ALDH1A2: variants seen among roughly 807,000 people sequenced by gnomAD.
The protein encoded by ALDH1A2 is retinal dehydrogenase 2.
ALDH1A2 carries 27 observed loss-of-function variants against 60.3 expected under a neutral mutation model. The observed-to-expected ratio is 0.45, with a 90% CI of 0.33 to 0.62. The LOEUF (loss-of-function observed/expected upper bound fraction) is 0.62, where lower values mean the gene tolerates loss of function less well. Among genes scored for constraint, ALDH1A2 ranks in the 20% least tolerant of loss-of-function variants. The pLI, the probability that ALDH1A2 is intolerant of heterozygous loss-of-function variation, is 0.02. For synonymous variants in ALDH1A2, 289 were observed against 232.4 expected (o/e 1.24, Z -2.21); for missense variants, 581 against 643.8 (o/e 0.90, Z 1.06).
chr15:58,045,996 G>C (rs35566492), intron 1 of ALDH1A2, among the ~76,000 whole-genome samples: 1 of 151,956 alleles, frequency 6.6e-6, no homozygotes, highest in Non-Finnish European at 1.5e-5. Context: ...AAGCGTCTTA[G>C]ATTCTGGGCA....
chr15:58,063,553 TA>T (rs4646553), intron 1 of ALDH1A2, among the ~76,000 whole-genome samples: 12 of 149,880 alleles, frequency 8.0e-5, no homozygotes, highest in South Asian at 2.1e-4. Context: ...TCTTCACGTT[TA>T]AAAAAAAAAT....
chr15:58,003,703 T>C (rs1595659241), intron 4 of ALDH1A2, among the ~76,000 whole-genome samples: 1 of 151,784 alleles, frequency 6.6e-6, no homozygotes, highest in African/African-American at 2.4e-5. Flanking sequence ...CACAAAGAGG[T>C]TGTAGACGTG....
chr15:57,956,691 T>C (rs1893537582), intron 12 of ALDH1A2, among the ~76,000 whole-genome samples: 1 of 152,246 alleles, frequency 6.6e-6, no homozygotes, highest in South Asian at 2.1e-4. Flanking sequence ...TATTACCAGC[T>C]CAGCTCTGGC....
At chr15:57,978,969 G>A (rs1175183708) in intron 7 of ALDH1A2, among the ~76,000 whole-genome samples, 1 of 152,162 alleles carries the variant, frequency 6.6e-6, no homozygotes, top group East Asian at 1.9e-4. Context: ...TCAGGAGGTG[G>A]AGGTGCAGTG....
intron 12 of ALDH1A2, among the ~76,000 whole-genome samples, chr15:57,959,588 T>C (rs7165247): frequency 0.37 from 55,981 of 151,988 alleles, 11,026 homozygotes; most frequent in Non-Finnish European, 0.46. Context: ...GCTTGCCAGA[T>C]ATTCTGTTGG....
intron 1 of ALDH1A2, among the ~76,000 whole-genome samples, chr15:58,022,428 G>C (rs1442895632): frequency 1.3e-5 from 2 of 152,142 alleles, no homozygotes; most frequent in African/African-American, 4.8e-5. Flanking sequence ...TCAGGATGCA[G>C]AGGATCATCC....
At chr15:58,041,416 G>A (rs1265834289) in intron 1 of ALDH1A2, among the ~76,000 whole-genome samples, 5 of 151,842 alleles carry the variant, frequency 3.3e-5, no homozygotes, top group South Asian at 2.1e-4. Context: ...TCTCTCCCTC[G>A]CTTAGTTCAT....
intron 1 of ALDH1A2, among the ~76,000 whole-genome samples, chr15:58,052,182 G>T (rs1208215472): frequency 2.6e-5 from 4 of 152,096 alleles, no homozygotes; most frequent in African/African-American, 9.7e-5. Flanking sequence ...GTAACCATGA[G>T]TACATTGTTG....
chr15:58,027,815 T>C (rs1012535367), intron 1 of ALDH1A2, among the ~76,000 whole-genome samples: 1 of 151,938 alleles, frequency 6.6e-6, no homozygotes, highest in African/African-American at 2.4e-5. Context: ...GAAGATCAAA[T>C]TAATGAAATA....
At chr15:57,985,494 A>C (rs1465808974) in intron 7 of ALDH1A2, among the ~76,000 whole-genome samples, 1 of 152,196 alleles carries the variant, frequency 6.6e-6, no homozygotes, top group Non-Finnish European at 1.5e-5. Context: ...TGCTATTATT[A>C]AACCAATTTT....
intron 1 of ALDH1A2, among the ~76,000 whole-genome samples, chr15:58,046,777 C>G (rs1896649093): frequency 6.6e-6 from 1 of 151,988 alleles, no homozygotes; most frequent in Non-Finnish European, 1.5e-5. Context: ...CATTTGGTTT[C>G]CCCCACATCT....
At chr15:58,049,244 G>A (rs1009612114) in intron 1 of ALDH1A2, among the ~76,000 whole-genome samples, 5 of 151,978 alleles carry the variant, frequency 3.3e-5, no homozygotes, top group Non-Finnish European at 7.4e-5. Context: ...AGATCCAGTT[G>A]TGCCTCTATT....
intron 4 of ALDH1A2, among the ~76,000 whole-genome samples, chr15:58,005,145 C>A (rs1895407532): frequency 6.6e-6 from 1 of 151,784 alleles, no homozygotes; most frequent in Non-Finnish European, 1.5e-5. Context: ...ACTCTCCTCC[C>A]TCATACTTTG....
chr15:58,008,201 C>T (rs531043534), intron 4 of ALDH1A2, among the ~76,000 whole-genome samples: 5 of 152,158 alleles, frequency 3.3e-5, no homozygotes, highest in African/African-American at 1.2e-4. Context: ...AGGGAGGGTA[C>T]CTCATCCTAG....
chr15:58,009,172 A>G (rs540837482), intron 4 of ALDH1A2, among the ~76,000 whole-genome samples: 1 of 152,190 alleles, frequency 6.6e-6, no homozygotes, highest in East Asian at 1.9e-4. Context: ...ACTGTAAATT[A>G]TTCTTACCCT....
At chr15:57,973,676 T>C (rs1894144909) in intron 7 of ALDH1A2, among the ~76,000 whole-genome samples, 4 of 152,230 alleles carry the variant, frequency 2.6e-5, no homozygotes, top group African/African-American at 9.6e-5. Context: ...TTTTATATTC[T>C]AGACAAATGC....
At chr15:57,960,321 G>T (rs752018683) in intron 12 of ALDH1A2, among the ~76,000 whole-genome samples, 1 of 152,162 alleles carries the variant, frequency 6.6e-6, no homozygotes, top group Non-Finnish European at 1.5e-5. Context: ...CTGAGGGAAC[G>T]GGCATGAAAC....
intron 1 of ALDH1A2, among the ~76,000 whole-genome samples, chr15:58,016,743 T>C (rs1380904350): frequency 3.3e-5 from 5 of 152,060 alleles, no homozygotes; most frequent in Non-Finnish European, 7.4e-5. Context: ...TTTCTAATTG[T>C]GCTAAAAAAC....
chr15:58,004,351 G>C (rs1446663233), intron 4 of ALDH1A2, among the ~76,000 whole-genome samples: 4 of 151,794 alleles, frequency 2.6e-5, no homozygotes, highest in Admixed American at 6.6e-5. Context: ...GATTCAACGG[G>C]TTTATGTGCA....
Sources: allele counts gnomAD v4.1 joint callset (sites outside exome capture counted in the v4.1 genomes callset), GRCh38; gene constraint gnomAD v4.1.1; transcripts MANE v1.5; gene names NCBI Gene and HGNC (gene_info 2026-07-23, HGNC 2026-07-21).